The following MACROD2 variants were observed in gnomAD, a reference collection of about 807,000 sequenced individuals.
MACROD2 encodes the protein mono-ADP ribosylhydrolase 2.
In MACROD2, 36 loss-of-function variants were observed where a neutral mutation model predicts 70.4. That is an observed-to-expected ratio of 0.51 (90% CI 0.39 to 0.68). MACROD2 has a LOEUF of 0.68. MACROD2 is among the 30% of genes least tolerant of loss of function. MACROD2 has a pLI of 0.00. For synonymous variants in MACROD2, 172 were observed against 178.8 expected (o/e 0.96, Z 0.30); for missense variants, 496 against 538.4 (o/e 0.92, Z 0.78).
At chr20:15,510,813 G>T (rs965793479) in intron 8 of MACROD2, among the ~76,000 whole-genome samples, 1 of 152,210 alleles carries the variant, frequency 6.6e-6, no homozygotes, top group East Asian at 1.9e-4. Context: ...TGACAGAAGG[G>T]CTGGCTAACG....
intron 3 of MACROD2, among the ~76,000 whole-genome samples, chr20:14,228,637 G>T (rs1356664569): frequency 6.6e-6 from 1 of 152,142 alleles, no homozygotes. Flanking sequence ...CCATGAAAAT[G>T]ATGTAAAAAC....
rs756727373 is a variant in MACROD2, at chr20:14,670,090, C to T, written c.302-14753C>T. Among the ~76,000 whole-genome samples, 122 of 151,890 alleles carry T rather than the reference C, an allele frequency of 8.0e-4. 1 individual carries two copies. The highest frequency in any genetic ancestry group is 6.6e-4 in the Admixed American group (10 of 15,242). On this transcript the variant is annotated intron_variant, in intron 4 of 17. Transcript: ENST00000684519. ...GTTGTTTTAAAAAAAGGTATGTTGC[C>T]GAGCTTTTGAGGAACTCTTCAGAAT...
chr20:14,565,694 C>A (rs11908657), intron 4 of MACROD2, among the ~76,000 whole-genome samples: 4 of 151,864 alleles, frequency 2.6e-5, no homozygotes, highest in Non-Finnish European at 5.9e-5. Flanking sequence ...TTGAAATTTT[C>A]TTCTACATAA....
intron 3 of MACROD2, among the ~76,000 whole-genome samples, chr20:14,231,639 C>G (rs1184123277): frequency 6.6e-6 from 1 of 152,072 alleles, no homozygotes; most frequent in Non-Finnish European, 1.5e-5. Context: ...ATTTATAATC[C>G]TTTGGGTATA....
chr20:15,875,662 G>T (rs1446152846), intron 9 of MACROD2, among the ~76,000 whole-genome samples: 1 of 151,882 alleles, frequency 6.6e-6, no homozygotes, highest in African/African-American at 2.4e-5. Flanking sequence ...CCTTCCAACG[G>T]AGGGGAGTGT....
At chr20:14,347,513 A>G (rs558203441) in intron 3 of MACROD2, among the ~76,000 whole-genome samples, 68 of 152,332 alleles carry the variant, frequency 4.5e-4, no homozygotes, top group South Asian at 8.3e-4. Context: ...CTGATTGTAC[A>G]GGATGGTAAG....
chr20:15,604,607 G>C (rs1428417544), intron 8 of MACROD2, among the ~76,000 whole-genome samples: 1 of 152,156 alleles, frequency 6.6e-6, no homozygotes, highest in African/African-American at 2.4e-5. Context: ...CACAGAATTT[G>C]TATACCACCT....
intron 15 of MACROD2, among the ~76,000 whole-genome samples, chr20:16,009,780 A>G (rs2066837810): frequency 2.0e-5 from 3 of 152,136 alleles, no homozygotes. Flanking sequence ...TTATAAAAGC[A>G]TAATATGGAG....
intron 4 of MACROD2, among the ~76,000 whole-genome samples, chr20:14,515,067 A>C (rs987239926): frequency 6.6e-6 from 1 of 152,122 alleles, no homozygotes; most frequent in Non-Finnish European, 1.5e-5. Context: ...GACTGAAGAA[A>C]ATCGTGAAAA....
At chr20:14,423,561 A>T (rs897003408) in intron 3 of MACROD2, among the ~76,000 whole-genome samples, 3 of 151,198 alleles carry the variant, frequency 2.0e-5, no homozygotes, top group Admixed American at 6.6e-5. Context: ...TTAACCGCGC[A>T]TGGTGGCGGG....
chr20:15,369,455 T>C (rs1381815327), intron 6 of MACROD2, among the ~76,000 whole-genome samples: 1 of 152,174 alleles, frequency 6.6e-6, no homozygotes, highest in Non-Finnish European at 1.5e-5. Context: ...TCTCCTTGTA[T>C]CTTTTGCAAA....
At chr20:15,245,745 A>G (rs1195325753) in intron 6 of MACROD2, among the ~76,000 whole-genome samples, 1 of 152,210 alleles carries the variant, frequency 6.6e-6, no homozygotes, top group Non-Finnish European at 1.5e-5. Flanking sequence ...TGTCTAATGT[A>G]AGTGTTCTGA....
intron 6 of MACROD2, among the ~76,000 whole-genome samples, chr20:15,428,251 G>A (rs561649093): frequency 1.1e-4 from 16 of 152,304 alleles, no homozygotes; most frequent in South Asian, 2.1e-4. Context: ...ACTGACCCAC[G>A]TTATGAATTG....
At chr20:14,859,888 G>T (rs1220417104) in intron 5 of MACROD2, among the ~76,000 whole-genome samples, 1 of 152,086 alleles carries the variant, frequency 6.6e-6, no homozygotes, top group Non-Finnish European at 1.5e-5. Flanking sequence ...GTTAAATCAG[G>T]ACAGGGGTCT....
chr20:14,501,404 C>G (rs938743310), intron 4 of MACROD2, among the ~76,000 whole-genome samples: 13 of 151,904 alleles, frequency 8.6e-5, no homozygotes, highest in Non-Finnish European at 1.6e-4. Flanking sequence ...TTACATACTA[C>G]AGGTAACTTG....
Position 15,451,955 on chromosome 20 carries a change from T to G in MACROD2, c.571+20520T>G, listed in dbSNP as rs567208864. ...GTGGCATAGTGGCATAGGAGACTGGTGAGGACACCGTGGCCCAACAGAATC... is the reference window on the plus strand; with the variant it reads ...GTGGCATAGTGGCATAGGAGACTGGGGAGGACACCGTGGCCCAACAGAATC... On this transcript the variant is annotated intron_variant, in intron 7 of 17. Transcript: ENST00000684519. Among the ~76,000 whole-genome samples the G allele has an allele frequency of 2.4e-4, 37 of 152,162 alleles. 2 individuals carry two copies. In the South Asian group the frequency reaches 6.0e-3, roughly 25 times the overall value.
chr20:15,119,647 A>G (rs1299227595), intron 5 of MACROD2, among the ~76,000 whole-genome samples: 1 of 152,256 alleles, frequency 6.6e-6, no homozygotes, highest in African/African-American at 2.4e-5. Context: ...CATTCTACCC[A>G]TTGTGACCAC....
chr20:14,568,638 A>C (rs1417068098), intron 4 of MACROD2, among the ~76,000 whole-genome samples: 1 of 152,040 alleles, frequency 6.6e-6, no homozygotes, highest in Non-Finnish European at 1.5e-5. Context: ...ATTAGAAAAA[A>C]ATTATTATAT....
chr20:14,822,953 A>G (rs1480426374), intron 5 of MACROD2, among the ~76,000 whole-genome samples: 1 of 152,096 alleles, frequency 6.6e-6, no homozygotes, highest in Non-Finnish European at 1.5e-5. Flanking sequence ...TTTATAATCT[A>G]GAATGTGTGT....
Sources: allele counts gnomAD v4.1 joint callset (sites outside exome capture counted in the v4.1 genomes callset), GRCh38; gene constraint gnomAD v4.1.1; transcripts MANE v1.5; gene names NCBI Gene and HGNC (gene_info 2026-07-23, HGNC 2026-07-21).